RRAGA: variants seen among roughly 807,000 people sequenced by gnomAD.
RRAGA encodes the protein Ras related GTP binding A.
A neutral mutation model predicts 20.5 loss-of-function variants in RRAGA; 11 were observed. That is an observed-to-expected ratio of 0.54 (90% CI 0.34 to 0.89). The LOEUF is 0.89. Among genes scored for constraint, RRAGA ranks in the 40% least tolerant of loss-of-function variants. RRAGA has a pLI of 0.02. For synonymous variants in RRAGA, 184 were observed against 155.4 expected, an observed-to-expected ratio of 1.18 and a Z score of -1.37; for missense variants, 214 against 400.7, an observed-to-expected ratio of 0.53 and a Z score of 3.98.
Position 19,049,801 on chromosome 9 carries a change from T to TC in RRAGA, c.145dup (p.His49ProfsTer36). ...GGGGGCCACCATTGACGTGGAACAC[T>TC]CCCACGTCCGATTCCTAGGGAACCT... On this transcript the variant is annotated frameshift_variant, in exon 1 of 1. Transcript: ENST00000380527. LOFTEE classifies it high-confidence loss of function. The surrounding 1 kb of genome is among the most constrained non-coding windows in gnomAD (Gnocchi z 5.4). The TC allele has an allele frequency of 6.2e-7, 1 of 1,614,118 alleles. No individual in the cohort carries two copies.
Position 19,049,450 on chromosome 9 carries a change from G to T in RRAGA, c.-210G>T, listed in dbSNP as rs1486168525. ...GCGTATCTCCCGAGCCGTTGCCACT[G>T]ACAGCCGCGGGCGCTCCCATCTGAG... On this transcript the variant is annotated 5_prime_UTR_variant, in exon 1 of 1. Coordinates refer to ENST00000380527, the MANE Select transcript of RRAGA (RefSeq NM_006570.5). The surrounding 1 kb of genome is among the most constrained non-coding windows in gnomAD (Gnocchi z 5.4). 1 of 454,942 alleles carries T rather than the reference G, an allele frequency of 2.2e-6. No individual in the cohort carries two copies. Among genetic ancestry groups the T allele is most frequent in the Non-Finnish European group, 3.9e-6 (1 of 259,414 alleles). The allele number at this position is 454,942 out of a possible 1,614,324, so 28.2% of individuals were successfully genotyped here.
In RRAGA at chr9:19,050,473, G is replaced by A; in HGVS notation, c.814G>A (p.Val272Met). The change falls in exon 1 of 1, where the codon GTG (valine) becomes ATG (methionine). Residue 272 changes from valine (V) to methionine (M), a missense_variant. Physicochemically the swap from Val to Met is conservative, Grantham distance 21 (BLOSUM62 1). Coordinates refer to ENST00000380527, the MANE Select transcript of RRAGA (RefSeq NM_006570.5). ...CGACATCTTCACCTCAAATACGTACGTGATGGTGGTCATGTCAGATCCGTC... is the reference window on the plus strand; with the variant it reads ...CGACATCTTCACCTCAAATACGTACATGATGGTGGTCATGTCAGATCCGTC... ...FIDIFTSNTY[V>M]MVVMSDPSIP... 1 of 1,614,116 alleles carries A rather than the reference G, an allele frequency of 6.2e-7. No homozygotes were observed. Among genetic ancestry groups the A allele is most frequent in the Non-Finnish European group, 8.5e-7 (1 of 1,180,034 alleles).
At position 19,049,846 on chromosome 9, in the gene RRAGA, T is replaced by G; in HGVS notation, c.187T>G (p.Cys63Gly). Residue 63 changes from cysteine (C) to glycine (G), a missense_variant, in exon 1 of 1, where the codon TGT (cysteine) becomes GGT (glycine). Coordinates refer to ENST00000380527, the MANE Select transcript of RRAGA (RefSeq NM_006570.5). This position sits in a 1 kb window ranked among gnomAD's most constrained non-coding sequence, Gnocchi z 5.4. ...LGNLVLNLWDCGGQDTFMENY... is the reference protein window; with the variant it reads ...LGNLVLNLWDGGGQDTFMENY... ...GAACCTGGTGCTGAACCTGTGGGACTGTGGCGGTCAGGACACCTTCATGGA... is the reference window on the plus strand; with the variant it reads ...GAACCTGGTGCTGAACCTGTGGGACGGTGGCGGTCAGGACACCTTCATGGA... The G allele has an allele frequency of 6.2e-7, 1 of 1,614,164 alleles. No homozygotes were observed. The highest frequency in any genetic ancestry group is 8.5e-7 in the Non-Finnish European group (1 of 1,180,026).
chr9:19,049,651 C>G lies in RRAGA; in HGVS notation c.-9C>G, dbSNP rs374326262. Reference sequence around the variant, plus strand: ...CCCTCAGGCCCAGTCCGCGGTGCCCCGGCGGGTGATGCCAAATACAGCCAT... The same window carrying G: ...CCCTCAGGCCCAGTCCGCGGTGCCCGGGCGGGTGATGCCAAATACAGCCAT... On this transcript the variant is annotated 5_prime_UTR_variant, in exon 1 of 1. Transcript: ENST00000380527. This position sits in a 1 kb window ranked among gnomAD's most constrained non-coding sequence, Gnocchi z 5.4. The G allele has an allele frequency of 1.2e-5, 19 of 1,602,502 alleles. No individual in the cohort carries two copies. Among genetic ancestry groups the G allele is most frequent in the Non-Finnish European group, 1.5e-5 (18 of 1,173,044 alleles).
In RRAGA at chr9:19,050,071, G is replaced by C. The variant is rs1453377799; in HGVS notation, c.412G>C (p.Asp138His). ...GGATCTGGTTCAGGAGGATCAGCGT[G>C]ACCTGATTTTTAAAGAGCGAGAGGA... ...KMDLVQEDQR[D>H]LIFKEREEDL... Residue 138 changes from aspartate to histidine, a missense_variant, in exon 1 of 1, where the codon GAC (aspartate) becomes CAC (histidine). Transcript: ENST00000380527. 1 of 1,614,064 alleles carries C rather than the reference G, an allele frequency of 6.2e-7. No homozygotes were observed. The highest frequency in any genetic ancestry group is 8.5e-7 in the Non-Finnish European group (1 of 1,180,020).
chr9:19,050,824 G>T lies in RRAGA; in HGVS notation c.*223G>T. 1.8e-6 allele frequency: 1 copy of T among 551,124 alleles called. No individual in the cohort carries two copies. The highest frequency in any genetic ancestry group is 1.9e-5 in the African/African-American group (1 of 52,920). The allele number at this position is 551,124 out of a possible 1,614,324, so 34.1% of individuals were successfully genotyped here. A position where few individuals can be genotyped will look rare whatever the true frequency, so the allele number is the denominator to read the frequency against. ...GACCTTTCTGAGAAGTTGGTATGGT[G>T]TAACACTAAAGTAGGTGGTTCGTGT... On this transcript the variant is annotated 3_prime_UTR_variant, in exon 1 of 1. Transcript: ENST00000380527.
chr9:19,049,516 G>A lies in RRAGA; in HGVS notation c.-144G>A, dbSNP rs1398696700. 7 of 625,220 alleles carry A rather than the reference G, an allele frequency of 1.1e-5. No individual in the cohort carries two copies. The Admixed American group carries it at 1.4e-4, about 13-fold the overall frequency. 38.7% of individuals were successfully genotyped at this position (625,220 alleles called of 1,614,324 possible). Reference sequence around the variant, plus strand: ...CCGCGGCCTCTCCAGCCCCGGGTTCGCGCTCTCGACTCTCCTGCCTGCCCA... The same window carrying A: ...CCGCGGCCTCTCCAGCCCCGGGTTCACGCTCTCGACTCTCCTGCCTGCCCA... On this transcript the variant is annotated 5_prime_UTR_variant, in exon 1 of 1. Transcript: ENST00000380527. This position sits in a 1 kb window ranked among gnomAD's most constrained non-coding sequence, Gnocchi z 5.4.
chr9:19,050,814 T>C lies in RRAGA; in HGVS notation c.*213T>C. On this transcript the variant is annotated 3_prime_UTR_variant, in exon 1 of 1. Transcript: ENST00000380527. ...GCTTGAAGCTGACCTTTCTGAGAAGTTGGTATGGTGTAACACTAAAGTAGG... is the reference window on the plus strand; with the variant it reads ...GCTTGAAGCTGACCTTTCTGAGAAGCTGGTATGGTGTAACACTAAAGTAGG... 1 of 572,168 alleles carries C rather than the reference T, an allele frequency of 1.7e-6. No homozygotes were observed. The highest frequency in any genetic ancestry group is 3.2e-6 in the Non-Finnish European group (1 of 313,792). 35.4% of individuals were successfully genotyped at this position (572,168 alleles called of 1,614,324 possible). A position where few individuals can be genotyped will look rare whatever the true frequency, so the allele number is the denominator to read the frequency against.
Position 19,049,598 on chromosome 9 carries a change from C to G in RRAGA, c.-62C>G. 7.6e-7 allele frequency: 1 copy of G among 1,309,484 alleles called. No homozygotes were observed. Among genetic ancestry groups the G allele is most frequent in the Non-Finnish European group, 1.0e-6 (1 of 953,266 alleles). The allele number at this position is 1,309,484 out of a possible 1,614,324, so 81.1% of individuals were successfully genotyped here. A position where few individuals can be genotyped will look rare whatever the true frequency, so the allele number is the denominator to read the frequency against. ...TGCGAGTCCCCGGCAGCCCCCGACC[C>G]CTCCCTCGGCGCTGCGTGTAGGCCG... On this transcript the variant is annotated 5_prime_UTR_variant, in exon 1 of 1. Coordinates refer to ENST00000380527, the MANE Select transcript of RRAGA (RefSeq NM_006570.5). The surrounding 1 kb of genome is among the most constrained non-coding windows in gnomAD (Gnocchi z 5.4).
Position 19,050,223 on chromosome 9 carries a change from G to T in RRAGA, c.564G>T (p.Glu188Asp). Residue 188 changes from glutamate to aspartate, a missense_variant, in exon 1 of 1, where the codon GAG becomes GAT. Glu to Asp is a conservative substitution (Grantham distance 45). Coordinates refer to ENST00000380527, the MANE Select transcript of RRAGA (RefSeq NM_006570.5). The part of the protein sequence containing the change: ...YQLIPNVQQL[E>D]MNLRNFAQII... ...TGATTCCCAACGTTCAGCAGCTGGA[G>T]ATGAACCTCAGGAATTTTGCCCAAA... is the stretch of plus-strand genomic sequence containing the variant. 1 of 1,614,098 alleles carries T rather than the reference G, an allele frequency of 6.2e-7. No homozygotes were observed. Among genetic ancestry groups the T allele is most frequent in the Non-Finnish European group, 8.5e-7 (1 of 1,180,042 alleles).
At position 19,050,689 on chromosome 9, in the gene RRAGA, A is replaced by T. The variant is rs1836332552; in HGVS notation, c.*88A>T. On this transcript the variant is annotated 3_prime_UTR_variant, in exon 1 of 1. Transcript: ENST00000380527. ...TAATATTCATAATGTCGTGTGCTTA[A>T]AAGTGGGCTTTGAAGTGTGTGCTGC... 2 of 1,331,542 alleles carry T rather than the reference A, an allele frequency of 1.5e-6. No individual in the cohort carries two copies. The highest frequency in any genetic ancestry group is 2.1e-6 in the Non-Finnish European group (2 of 950,390). 82.5% of individuals were successfully genotyped at this position (1,331,542 alleles called of 1,614,324 possible).
In RRAGA at chr9:19,049,669, A is replaced by G; in HGVS notation, c.10A>G (p.Thr4Ala). MPN[T>A]AMKKKVLLMG... ...GGTGCCCCGGCGGGTGATGCCAAAT[A>G]CAGCCATGAAGAAAAAGGTGCTGCT... Residue 4 changes from threonine (T) to alanine (A), a missense_variant, in exon 1 of 1, where the codon ACA (threonine) becomes GCA (alanine). Transcript: ENST00000380527. The surrounding 1 kb of genome is among the most constrained non-coding windows in gnomAD (Gnocchi z 5.4). The G allele has an allele frequency of 6.2e-7, 1 of 1,612,398 alleles. No homozygotes were observed. Among genetic ancestry groups the G allele is most frequent in the South Asian group, 1.1e-5 (1 of 91,012 alleles).
At position 19,049,643 on chromosome 9, in the gene RRAGA, C is replaced by T; in HGVS notation, c.-17C>T. 1.3e-6 allele frequency: 2 copies of T among 1,593,322 alleles called. No homozygotes were observed. Among genetic ancestry groups the T allele is most frequent in the South Asian group, 1.1e-5 (1 of 88,782 alleles). ...AGGCCGCGCCCTCAGGCCCAGTCCG[C>T]GGTGCCCCGGCGGGTGATGCCAAAT... On this transcript the variant is annotated 5_prime_UTR_variant, in exon 1 of 1. Coordinates refer to ENST00000380527, the MANE Select transcript of RRAGA (RefSeq NM_006570.5). The surrounding 1 kb of genome is among the most constrained non-coding windows in gnomAD (Gnocchi z 5.4).
In RRAGA at chr9:19,050,379, G is replaced by C. The variant is rs141987080; in HGVS notation, c.720G>C (p.Leu240=). 2.5e-6 allele frequency: 4 copies of C among 1,614,198 alleles called. No homozygotes were observed. The part of the protein sequence containing the change: ...KISNIIKQFK[L]SCSKLAASFQ... ...GCAACATCATCAAACAGTTCAAGCT[G>C]AGCTGCAGTAAATTGGCCGCTTCCT... The change falls in exon 1 of 1, where the codon CTG becomes CTC. Residue 240 remains leucine (L), a synonymous_variant. Transcript: ENST00000380527.
rs1238637601 is a variant in RRAGA at position 19,049,464 on chromosome 9, C to T, written c.-196C>T. The T allele has an allele frequency of 1.3e-5, 6 of 471,036 alleles. No individual in the cohort carries two copies. Among genetic ancestry groups the T allele is most frequent in the Non-Finnish European group, 2.2e-5 (6 of 269,936 alleles). The allele number at this position is 471,036 out of a possible 1,614,324, so 29.2% of individuals were successfully genotyped here. ...CCGTTGCCACTGACAGCCGCGGGCG[C>T]TCCCATCTGAGTAAGAGCCAGCCCG... On this transcript the variant is annotated 5_prime_UTR_variant, in exon 1 of 1. Coordinates refer to ENST00000380527, the MANE Select transcript of RRAGA (RefSeq NM_006570.5). This position sits in a 1 kb window ranked among gnomAD's most constrained non-coding sequence, Gnocchi z 5.4.
In RRAGA at chr9:19,049,446, C is replaced by A; in HGVS notation, c.-214C>A. 2.2e-6 allele frequency: 1 copy of A among 453,164 alleles called. No individual in the cohort carries two copies. The highest frequency in any genetic ancestry group is 3.8e-5 in the South Asian group (1 of 26,322). 28.1% of individuals were successfully genotyped at this position (453,164 alleles called of 1,614,324 possible). ...GCGAGCGTATCTCCCGAGCCGTTGC[C>A]ACTGACAGCCGCGGGCGCTCCCATC... On this transcript the variant is annotated 5_prime_UTR_variant, in exon 1 of 1. Transcript: ENST00000380527. The surrounding 1 kb of genome is among the most constrained non-coding windows in gnomAD (Gnocchi z 5.4).
Position 19,050,687 on chromosome 9 carries a change from T to G in RRAGA, c.*86T>G. ...TTTAATATTCATAATGTCGTGTGCT[T>G]AAAAGTGGGCTTTGAAGTGTGTGCT... On this transcript the variant is annotated 3_prime_UTR_variant, in exon 1 of 1. Transcript: ENST00000380527. 7.5e-7 allele frequency: 1 copy of G among 1,334,658 alleles called. No homozygotes were observed. The highest frequency in any genetic ancestry group is 1.3e-5 in the South Asian group (1 of 75,896). The allele number at this position is 1,334,658 out of a possible 1,614,324, so 82.7% of individuals were successfully genotyped here. A position where few individuals can be genotyped will look rare whatever the true frequency, so the allele number is the denominator to read the frequency against.
rs1231321088 is a variant in RRAGA at position 19,049,622 on chromosome 9, C to T, written c.-38C>T. 6.6e-7 allele frequency: 1 copy of T among 1,521,468 alleles called. No individual in the cohort carries two copies. Among genetic ancestry groups the T allele is most frequent in the Non-Finnish European group, 9.0e-7 (1 of 1,116,290 alleles). The allele number at this position is 1,521,468 out of a possible 1,614,324, so 94.2% of individuals were successfully genotyped here. A position where few individuals can be genotyped will look rare whatever the true frequency, so the allele number is the denominator to read the frequency against. ...CCCTCCCTCGGCGCTGCGTGTAGGCCGCGCCCTCAGGCCCAGTCCGCGGTG... is the reference window on the plus strand; with the variant it reads ...CCCTCCCTCGGCGCTGCGTGTAGGCTGCGCCCTCAGGCCCAGTCCGCGGTG... On this transcript the variant is annotated 5_prime_UTR_variant, in exon 1 of 1. Transcript: ENST00000380527. The surrounding 1 kb of genome is among the most constrained non-coding windows in gnomAD (Gnocchi z 5.4).
Position 19,049,939 on chromosome 9 carries a change from G to A in RRAGA, c.280G>A (p.Val94Met). Residue 94 changes from valine to methionine, a missense_variant, in exon 1 of 1, where the codon GTG (valine) becomes ATG (methionine). Physicochemically the swap from Val to Met is conservative, Grantham distance 21 (BLOSUM62 1). Coordinates refer to ENST00000380527, the MANE Select transcript of RRAGA (RefSeq NM_006570.5). This position sits in a 1 kb window ranked among gnomAD's most constrained non-coding sequence, Gnocchi z 5.4. ...NVEVLIYVFD[V>M]ESRELEKDMH... ...GGAAGTTTTGATTTACGTGTTTGACGTGGAGAGCCGCGAACTGGAAAAGGA... is the reference window on the plus strand; with the variant it reads ...GGAAGTTTTGATTTACGTGTTTGACATGGAGAGCCGCGAACTGGAAAAGGA... 1 of 1,614,142 alleles carries A rather than the reference G, an allele frequency of 6.2e-7. No homozygotes were observed. Among genetic ancestry groups the A allele is most frequent in the Non-Finnish European group, 8.5e-7 (1 of 1,180,028 alleles).
Sources: allele counts gnomAD v4.1 joint callset, GRCh38; gene constraint gnomAD v4.1.1; non-coding constraint Gnocchi (gnomAD v3.1); transcripts MANE v1.5; gene names NCBI Gene and HGNC (gene_info 2026-07-23, HGNC 2026-07-21).